LRRTM4: variants seen among roughly 807,000 people sequenced by gnomAD.
LRRTM4 encodes leucine rich repeat transmembrane neuronal 4.
Under a neutral mutation model 47.6 loss-of-function variants are expected in LRRTM4, and 25 were observed. The observed-to-expected ratio is 0.53, with a 90% CI of 0.38 to 0.73. The LOEUF (loss-of-function observed/expected upper bound fraction) is 0.73, where lower values mean the gene tolerates loss of function less well. Among genes scored for constraint, LRRTM4 ranks in the 30% least tolerant of loss-of-function variants. LRRTM4 has a pLI of 0.00. For synonymous variants in LRRTM4, 311 were observed against 269.5 expected, an observed-to-expected ratio of 1.15 and a Z score of -1.51; for missense variants, 638 against 713.4, an observed-to-expected ratio of 0.89 and a Z score of 1.20.
intron 3 of LRRTM4, among the ~76,000 whole-genome samples, chr2:77,061,644 A>G (rs1378197711): frequency 6.6e-6 from 1 of 152,178 alleles, no homozygotes; most frequent in South Asian, 2.1e-4. Flanking sequence ...AGTAGAAAAT[A>G]TCATGTTCAT....
intron 3 of LRRTM4, among the ~76,000 whole-genome samples, chr2:77,048,688 T>A (rs190099291): frequency 6.6e-6 from 1 of 151,722 alleles, no homozygotes; most frequent in Non-Finnish European, 1.5e-5. Context: ...GTGTGATATT[T>A]TGATACATGC....
chr2:76,813,602 TCAGA>T (rs1357656505), intron 3 of LRRTM4, among the ~76,000 whole-genome samples: 1 of 152,166 alleles, frequency 6.6e-6, no homozygotes, highest in African/African-American at 2.4e-5. Context: ...AAAAATAATC[TCAGA>T]CAGTACAAAA....
chr2:77,368,774 G>A (rs186109478), intron 3 of LRRTM4, among the ~76,000 whole-genome samples: 5 of 151,742 alleles, frequency 3.3e-5, no homozygotes, highest in African/African-American at 1.2e-4. Context: ...TCCACGTATC[G>A]GCTGTAGTGA....
Position 77,040,199 on chromosome 2 carries a change from A to T in LRRTM4, c.1552-291283T>A, listed in dbSNP as rs1433888223. 3.3e-5 allele frequency among the ~76,000 whole-genome samples: 5 copies of T among 151,322 alleles called. No individual in the cohort carries two copies. In the East Asian group the frequency reaches 9.7e-4, roughly 29 times the overall value. On this transcript the variant is annotated intron_variant, in intron 3 of 3. Coordinates refer to ENST00000409884, the MANE Select transcript of LRRTM4 (RefSeq NM_001134745.3). ...TTTTTCCATTTAAATACTAATTAAA[A>T]TATAATTGTTCTTCCCTTAACAAGA...
intron 3 of LRRTM4, among the ~76,000 whole-genome samples, chr2:77,177,905 G>T (rs2103849612): frequency 6.6e-6 from 1 of 152,290 alleles, no homozygotes; most frequent in African/African-American, 2.4e-5. Flanking sequence ...GAGAAGATCT[G>T]CTGTCAGTTT....
chr2:77,311,348 G>T (rs446139), intron 3 of LRRTM4, among the ~76,000 whole-genome samples: 14,090 of 152,142 alleles, frequency 0.093, 976 homozygotes, highest in African/African-American at 0.19. Flanking sequence ...GGCTCAGGAG[G>T]AATTATTTAA....
At chr2:77,429,453 T>C (rs539925698) in intron 3 of LRRTM4, among the ~76,000 whole-genome samples, 1 of 152,082 alleles carries the variant, frequency 6.6e-6, no homozygotes. Context: ...TCAACCTAAG[T>C]GTCCATCAAA....
chr2:77,128,816 T>A (rs1215213640), intron 3 of LRRTM4, among the ~76,000 whole-genome samples: 1 of 144,644 alleles, frequency 6.9e-6, no homozygotes, highest in Non-Finnish European at 1.6e-5. Flanking sequence ...ATTTTTGTAT[T>A]TTTAGCAGAG....
chr2:77,036,832 A>G (rs1429226536), intron 3 of LRRTM4, among the ~76,000 whole-genome samples: 1 of 151,630 alleles, frequency 6.6e-6, no homozygotes, highest in African/African-American at 2.4e-5. Flanking sequence ...TTTCATACAT[A>G]AGCGTCCCAA....
chr2:77,109,711 TA>T (rs1227046064), intron 3 of LRRTM4, among the ~76,000 whole-genome samples: 2 of 151,362 alleles, frequency 1.3e-5, no homozygotes, highest in Non-Finnish European at 3.0e-5. Context: ...AACATAGAAT[TA>T]AAAAAAATAG....
intron 3 of LRRTM4, among the ~76,000 whole-genome samples, chr2:76,832,387 A>G (rs978124474): frequency 6.6e-6 from 1 of 151,638 alleles, no homozygotes; most frequent in African/African-American, 2.4e-5. Context: ...CCACCAAGTG[A>G]ACTGCACATG....
chr2:76,781,491 T>C (rs1233196999), intron 3 of LRRTM4, among the ~76,000 whole-genome samples: 2 of 152,218 alleles, frequency 1.3e-5, no homozygotes, highest in Admixed American at 6.5e-5. Context: ...AAAAGCGCAG[T>C]ATTCGGGTGG....
At chr2:76,885,811 T>G (rs1185392516) in intron 3 of LRRTM4, among the ~76,000 whole-genome samples, 1 of 152,134 alleles carries the variant, frequency 6.6e-6, no homozygotes, top group East Asian at 1.9e-4. Flanking sequence ...CACCAGCCTG[T>G]GGGAATTTTA....
chr2:77,230,088 A>G (rs1168241106), intron 3 of LRRTM4, among the ~76,000 whole-genome samples: 1 of 152,146 alleles, frequency 6.6e-6, no homozygotes, highest in African/African-American at 2.4e-5. Context: ...TTATTGACAC[A>G]TAAAAGGTAC....
At chr2:77,009,313 C>G (rs1677781123) in intron 3 of LRRTM4, 1 of 152,072 alleles carries the variant, frequency 6.6e-6, no homozygotes, top group Admixed American at 6.6e-5. Context: ...TTTTCTGTAG[C>G]ATTATTTTGT....
In LRRTM4 at chr2:77,371,062, A is replaced by G. The variant is rs2103769044; in HGVS notation, c.1551+147256T>C. 1.3e-5 allele frequency among the ~76,000 whole-genome samples: 2 copies of G among 151,872 alleles called. 1 individual carries two copies. The highest frequency in any genetic ancestry group is 4.1e-4 in the South Asian group (2 of 4,828). ...TGTCGAACTCAACTCTTGCAAATCA[A>G]AGGTGAGTCCCTCTATAAGGGAATG... is the stretch of plus-strand genomic sequence containing the variant. On this transcript the variant is annotated intron_variant, in intron 3 of 3. Coordinates refer to ENST00000409884, the MANE Select transcript of LRRTM4 (RefSeq NM_001134745.3).
chr2:76,929,925 T>TTGTGTGTG (rs3055992), intron 3 of LRRTM4, among the ~76,000 whole-genome samples: 3,067 of 149,264 alleles, frequency 0.021, 97 homozygotes, highest in African/African-American at 0.067. Context: ...CAATTAGAGT[T>TTGTGTGTG]TGTGTGTGTG....
intron 3 of LRRTM4, among the ~76,000 whole-genome samples, chr2:77,054,423 C>G (rs566350643): frequency 6.6e-6 from 1 of 152,278 alleles, no homozygotes; most frequent in South Asian, 2.1e-4. Context: ...AGATGCTAGA[C>G]AAATACTTCT....
intron 3 of LRRTM4, among the ~76,000 whole-genome samples, chr2:76,821,648 T>C (rs1671055791): frequency 6.6e-6 from 1 of 151,756 alleles, no homozygotes; most frequent in Non-Finnish European, 1.5e-5. Flanking sequence ...ATGGAGCATT[T>C]CCTTTGACTT....
Sources: gnomAD v4.1 joint callset for allele counts (sites outside exome capture counted in the v4.1 genomes callset) on GRCh38, gnomAD v4.1.1 for gene constraint, MANE v1.5 for transcripts, NCBI Gene and HGNC (gene_info 2026-07-23, HGNC 2026-07-21) for gene names.